UGT1A7: variants seen among roughly 807,000 people sequenced by gnomAD.
UGT1A7 encodes UDP-glucuronosyltransferase 1A7.
Under a neutral mutation model 45.6 loss-of-function variants are expected in UGT1A7, and 33 were observed. The ratio of observed to expected loss-of-function variants is 0.72; its 90% confidence interval spans 0.55 to 0.97. The LOEUF (loss-of-function observed/expected upper bound fraction) is 0.97, where lower values mean the gene tolerates loss of function less well. Among genes scored for constraint, UGT1A7 ranks in the 50% least tolerant of loss-of-function variants. UGT1A7 has a pLI of 0.00. For synonymous variants in UGT1A7, 274 were observed against 250.6 expected, an observed-to-expected ratio of 1.09 and a Z score of -0.88; for missense variants, 684 against 666.2, an observed-to-expected ratio of 1.03 and a Z score of -0.29.
chr2:233,762,716 G>A (rs1165030295), intron 1 of UGT1A7, among the ~76,000 whole-genome samples: 4 of 149,682 alleles, frequency 2.7e-5, no homozygotes, highest in African/African-American at 7.3e-5. Flanking sequence ...TATTTTACAC[G>A]GTTTTTTTTT....
intron 1 of UGT1A7, among the ~76,000 whole-genome samples, chr2:233,757,409 T>C (rs1456650401): frequency 6.6e-6 from 1 of 151,334 alleles, no homozygotes; most frequent in Non-Finnish European, 1.5e-5. Context: ...ATGCAGGGTC[T>C]AGAACGAAAA....
intron 1 of UGT1A7, chr2:233,755,212 T>G (rs1192331400): frequency 1.0e-5 from 11 of 1,054,576 alleles, no homozygotes; most frequent in Admixed American, 3.8e-5. Context: ...TACGCCTTCT[T>G]GATACCCTCG....
At chr2:233,755,509 C>T (rs143373661) in intron 1 of UGT1A7, 2 of 166,052 alleles carry the variant, frequency 1.2e-5, no homozygotes, top group Middle Eastern at 2.8e-3. Context: ...GACCAGGCCC[C>T]GCCCACTCCG....
chr2:233,749,081 G>T (rs958459779), intron 1 of UGT1A7, among the ~76,000 whole-genome samples: 3 of 151,758 alleles, frequency 2.0e-5, no homozygotes, highest in African/African-American at 7.3e-5. Context: ...TCCTTGGTGT[G>T]CCATGTATTT....
intron 1 of UGT1A7, chr2:233,690,899 ATAGTGATGTTAGTT>A: frequency 1.9e-6 from 2 of 1,035,238 alleles, no homozygotes; most frequent in Non-Finnish European, 1.2e-6. Flanking sequence ...GATGGTATGC[ATAGTGATGTTAGTT>A]TCATTTCTTC....
At chr2:233,697,139 T>G (rs2075377929) in intron 1 of UGT1A7, among the ~76,000 whole-genome samples, 1 of 152,116 alleles carries the variant, frequency 6.6e-6, no homozygotes. Flanking sequence ...TCTGTAATAG[T>G]TTGAGTGGAA....
intron 1 of UGT1A7, chr2:233,729,825 C>T (rs770263678): frequency 5.6e-6 from 9 of 1,613,784 alleles, no homozygotes; most frequent in African/African-American, 2.7e-5. Context: ...CTTATGCAAG[C>T]CTTGCCTCTG....
intron 1 of UGT1A7, among the ~76,000 whole-genome samples, chr2:233,694,916 G>A (rs1410139642): frequency 2.0e-5 from 3 of 152,208 alleles, no homozygotes; most frequent in African/African-American, 4.8e-5. Context: ...CGTATACAAT[G>A]TGCGATGATC....
At chr2:233,721,999 A>G (rs1463858336) in intron 1 of UGT1A7, 3 of 263,690 alleles carry the variant, frequency 1.1e-5, no homozygotes, top group African/African-American at 6.7e-5. Flanking sequence ...AATGTCCTTT[A>G]AGTGAACAGG....
intron 1 of UGT1A7, chr2:233,691,389 G>A (rs1327522820): frequency 1.0e-6 from 1 of 985,432 alleles, no homozygotes. Flanking sequence ...TTCCCCATGG[G>A]GGCCAGCCCT....
rs988153178 is a variant in UGT1A7, at chr2:233,772,888, GTGGTCCCACGGC to G, written c.*332_*343del. ...CTGTTTGGGAGTGCGGGATTCAAAG[GTGGTCCCACGGC>G]TGCCCCTACTGCAAATGGCAGTTTT... On this transcript the variant is annotated 3_prime_UTR_variant, in exon 5 of 5. Coordinates refer to ENST00000373426, the MANE Select transcript of UGT1A7 (RefSeq NM_019077.3). The G allele has an allele frequency of 1.9e-6, 1 of 534,950 alleles. No individual in the cohort carries two copies. The highest frequency in any genetic ancestry group is 1.9e-5 in the African/African-American group (1 of 51,616). 33.1% of individuals were successfully genotyped at this position (534,950 alleles called of 1,614,324 possible).
Position 233,772,382 on chromosome 2 carries a change from C to T in UGT1A7, c.1416C>T (p.Arg472=). 5 of 1,614,256 alleles carry T rather than the reference C, an allele frequency of 3.1e-6. No homozygotes were observed. The highest frequency in any genetic ancestry group is 2.5e-6 in the Non-Finnish European group (3 of 1,180,048). ...GGCACAAGGGCGCGCCACACCTGCGCCCCGCAGCCCACGACCTCACCTGGT... is the reference window on the plus strand; with the variant it reads ...GGCACAAGGGCGCGCCACACCTGCGTCCCGCAGCCCACGACCTCACCTGGT... ...VMRHKGAPHL[R]PAAHDLTWYQ... The change falls in exon 5 of 5, where the codon CGC becomes CGT. Residue 472 remains arginine, a synonymous_variant. Coordinates refer to ENST00000373426, the MANE Select transcript of UGT1A7 (RefSeq NM_019077.3).
intron 1 of UGT1A7, chr2:233,730,074 A>G: frequency 6.2e-7 from 1 of 1,607,274 alleles, no homozygotes; most frequent in African/African-American, 1.3e-5. Context: ...AATTGCTTCC[A>G]TATTTACTTA....
At chr2:233,685,389 G>C (rs2074737008) in intron 1 of UGT1A7, among the ~76,000 whole-genome samples, 1 of 152,120 alleles carries the variant, frequency 6.6e-6, no homozygotes, top group South Asian at 2.1e-4. Flanking sequence ...TTGACTTGTT[G>C]GTGAATTACA....
At chr2:233,757,062 G>C (rs1469367274) in intron 1 of UGT1A7, among the ~76,000 whole-genome samples, 1 of 151,518 alleles carries the variant, frequency 6.6e-6, no homozygotes, top group South Asian at 2.1e-4. Flanking sequence ...GAACAGCAAG[G>C]GATCCAGAAT....
At chr2:233,760,864 G>C in intron 1 of UGT1A7, 1 of 1,613,978 alleles carries the variant, frequency 6.2e-7, no homozygotes, top group Non-Finnish European at 8.5e-7. Flanking sequence ...ATTCTCCTAC[G>C]TGCCCAGGCC....
intron 1 of UGT1A7, among the ~76,000 whole-genome samples, chr2:233,717,018 C>T (rs1456974682): frequency 6.6e-6 from 1 of 152,192 alleles, no homozygotes; most frequent in Admixed American, 6.5e-5. Context: ...TCTGAAGGCA[C>T]CACCATCTTC....
At chr2:233,719,401 T>C in intron 1 of UGT1A7, 3 of 1,614,018 alleles carry the variant, frequency 1.9e-6, no homozygotes, top group South Asian at 1.1e-5. Context: ...TCCTCCTATA[T>C]TCCTAAGTTA....
chr2:233,713,335 C>T (rs770287319), intron 1 of UGT1A7: 88 of 1,614,020 alleles, frequency 5.5e-5, no homozygotes, highest in Non-Finnish European at 7.0e-5. Context: ...AGAAGAATGG[C>T]AATTATGAAC....
Sources: allele counts gnomAD v4.1 joint callset (sites outside exome capture counted in the v4.1 genomes callset), GRCh38; gene constraint gnomAD v4.1.1; transcripts MANE v1.5; gene names NCBI Gene and HGNC (gene_info 2026-07-23, HGNC 2026-07-21).